The following LMNB1 variants were observed in gnomAD, a reference collection of about 807,000 sequenced individuals.
LMNB1 encodes the protein lamin B1.
In LMNB1, 23 loss-of-function variants were observed where a neutral mutation model predicts 67.1. The ratio of observed to expected loss-of-function variants is 0.34; its 90% CI spans 0.25 to 0.49. The LOEUF (loss-of-function observed/expected upper bound fraction) is 0.49. Ranked by LOEUF, LMNB1 falls within the 20% of genes least tolerant of loss-of-function variation. The pLI is 0.99. For missense variants in LMNB1, 634 were observed against 746.5 expected (o/e 0.85, Z 1.76); for synonymous variants, 281 against 282.9 (o/e 0.99, Z 0.07).
intron 1 of LMNB1, among the ~76,000 whole-genome samples, chr5:126,798,288 A>T (rs961907076): frequency 6.6e-6 from 1 of 152,082 alleles, no homozygotes; most frequent in Admixed American, 6.5e-5. Context: ...TCTCTACTAA[A>T]AATACAAAAA....
At chr5:126,778,685 C>T (rs1750547333) in intron 1 of LMNB1, among the ~76,000 whole-genome samples, 1 of 152,106 alleles carries the variant, frequency 6.6e-6, no homozygotes, top group Non-Finnish European at 1.5e-5. Context: ...AATTGCGGTT[C>T]TCCTACCCCT....
intron 8 of LMNB1, among the ~76,000 whole-genome samples, chr5:126,823,121 A>G (rs1303345531): frequency 2.6e-5 from 4 of 152,238 alleles, no homozygotes; most frequent in African/African-American, 4.8e-5. Context: ...TATAAAAGCT[A>G]TCTCTAGGCT....
intron 1 of LMNB1, among the ~76,000 whole-genome samples, chr5:126,779,582 A>G (rs902964883): frequency 6.6e-6 from 1 of 152,212 alleles, no homozygotes; most frequent in Admixed American, 6.5e-5. Flanking sequence ...TGGACCCATC[A>G]TGATGGGTTT....
intron 1 of LMNB1, among the ~76,000 whole-genome samples, chr5:126,790,508 C>A (rs982922682): frequency 8.5e-5 from 13 of 152,076 alleles, no homozygotes; most frequent in African/African-American, 2.7e-4. Context: ...CAGTAATATA[C>A]TGTGATTAGT....
intron 1 of LMNB1, among the ~76,000 whole-genome samples, chr5:126,797,822 T>C (rs1580534199): frequency 6.6e-6 from 1 of 152,122 alleles, no homozygotes; most frequent in East Asian, 1.9e-4. Flanking sequence ...ATGCTGGTAA[T>C]CGCAGCACTT....
intron 1 of LMNB1, among the ~76,000 whole-genome samples, chr5:126,779,568 C>T (rs1750569518): frequency 6.6e-6 from 1 of 152,206 alleles, no homozygotes; most frequent in Admixed American, 6.5e-5. Flanking sequence ...AGGATCCATC[C>T]TGTTGGACCC....
chr5:126,799,109 C>G (rs1561741588), intron 1 of LMNB1, among the ~76,000 whole-genome samples: 1 of 151,880 alleles, frequency 6.6e-6, no homozygotes, highest in African/African-American at 2.4e-5. Flanking sequence ...GCTCCGCCCC[C>G]TGGGGTTCAC....
intron 1 of LMNB1, among the ~76,000 whole-genome samples, chr5:126,793,353 G>A (rs1253328617): frequency 2.6e-5 from 4 of 151,080 alleles, no homozygotes; most frequent in African/African-American, 9.7e-5. Context: ...AAGTGGTTTT[G>A]TGGTCCAGTT....
chr5:126,834,307 G>A (rs1240196937), intron 10 of LMNB1, among the ~76,000 whole-genome samples: 2 of 152,052 alleles, frequency 1.3e-5, no homozygotes, highest in Non-Finnish European at 2.9e-5. Context: ...CCAGGTTCAA[G>A]AGATACCCCT....
intron 1 of LMNB1, among the ~76,000 whole-genome samples, chr5:126,790,459 T>C (rs1235022635): frequency 6.6e-6 from 1 of 152,104 alleles, no homozygotes; most frequent in African/African-American, 2.4e-5. Context: ...AAGCAACATA[T>C]GTTATAGCAG....
chr5:126,818,937 G>A lies in LMNB1; in HGVS notation c.955G>A (p.Glu319Lys). 1.9e-6 allele frequency: 3 copies of A among 1,613,386 alleles called. No individual in the cohort carries two copies. The highest frequency in any genetic ancestry group is 2.5e-6 in the Non-Finnish European group (3 of 1,179,332). Residue 319 changes from glutamate to lysine, a missense_variant, in exon 6 of 11, where the codon GAA becomes AAA. Transcript: ENST00000261366. ...NLQKESRACL[E>K]RIQELEDLLA... ...GCATCTTAAGTCTAGAGCATGTTTGGAAAGGATTCAAGAATTAGAGGACTT... is the reference window on the plus strand; with the variant it reads ...GCATCTTAAGTCTAGAGCATGTTTGAAAAGGATTCAAGAATTAGAGGACTT...
At position 126,777,586 on chromosome 5, in the gene LMNB1, C is replaced by T. The variant is rs1465037519; in HGVS notation, c.78C>T (p.Arg26=). 8 of 1,528,298 alleles carry T rather than the reference C, an allele frequency of 5.2e-6. No individual in the cohort carries two copies. The South Asian group carries it at 7.3e-5, about 14-fold the overall frequency. 94.7% of individuals were successfully genotyped at this position (1,528,298 alleles called of 1,614,324 possible). A position where few individuals can be genotyped will look rare whatever the true frequency, so the allele number is the denominator to read the frequency against. ...CCACCACGCCGCTGAGCCCCACGCGCCTGTCGCGGCTCCAGGAGAAGGAGG... is the reference window on the plus strand; with the variant it reads ...CCACCACGCCGCTGAGCCCCACGCGTCTGTCGCGGCTCCAGGAGAAGGAGG... ...GGPTTPLSPT[R]LSRLQEKEEL... The change falls in exon 1 of 11, where the codon CGC becomes CGT. Residue 26 remains arginine, a synonymous_variant. Coordinates refer to ENST00000261366, the MANE Select transcript of LMNB1 (RefSeq NM_005573.4).
intron 1 of LMNB1, among the ~76,000 whole-genome samples, chr5:126,800,982 A>ATAAAATTTTTTT: frequency 5.4e-5 from 1 of 18,632 alleles, no homozygotes; most frequent in Non-Finnish European, 1.0e-4. Flanking sequence ...TATATATATA[A>ATAAAATTTTTTT]TTTTTTTTTT....
intron 1 of LMNB1, among the ~76,000 whole-genome samples, chr5:126,790,456 A>C (rs1346183411): frequency 6.6e-6 from 1 of 152,112 alleles, no homozygotes; most frequent in Non-Finnish European, 1.5e-5. Flanking sequence ...CAGAAGCAAC[A>C]TATGTTATAG....
chr5:126,805,075 AG>A, intron 2 of LMNB1, 143 bp downstream of exon 2: 1 of 769,000 alleles, frequency 1.3e-6, no homozygotes, highest in Non-Finnish European at 2.0e-6. Context: ...GTTTACTTGA[AG>A]AAAAGTCTTG....
rs566330365 is a variant in LMNB1, at chr5:126,791,674, T to C, written c.360-13102T>C. Among the ~76,000 whole-genome samples, 196 of 152,138 alleles carry C rather than the reference T, an allele frequency of 1.3e-3. 1 individual carries two copies. The highest frequency in any genetic ancestry group is 4.4e-3 in the African/African-American group (183 of 41,420). On this transcript the variant is annotated intron_variant, in intron 1 of 10. Transcript: ENST00000261366. ...TTTTCATAGAGACAGGGTCTTACTA[T>C]GTTGCTGGTCTCAAACTCCTGAGCT...
At chr5:126,814,486 A>C (rs1751660368) in intron 5 of LMNB1, among the ~76,000 whole-genome samples, 1 of 151,274 alleles carries the variant, frequency 6.6e-6, no homozygotes, top group African/African-American at 2.4e-5. Flanking sequence ...TATGTGTTCT[A>C]ACCTAGGTTC....
chr5:126,827,648 A>G (rs1213977718), intron 9 of LMNB1, among the ~76,000 whole-genome samples: 1 of 152,238 alleles, frequency 6.6e-6, no homozygotes, highest in Non-Finnish European at 1.5e-5. Flanking sequence ...CTGTGTCTCA[A>G]ATAAATAAAT....
At chr5:126,828,257 G>A (rs112655845) in intron 9 of LMNB1, among the ~76,000 whole-genome samples, 1 of 152,200 alleles carries the variant, frequency 6.6e-6, no homozygotes, top group African/African-American at 2.4e-5. Context: ...GGGGTACAAG[G>A]CAGATTAAAT....
Sources: allele counts gnomAD v4.1 joint callset (sites outside exome capture counted in the v4.1 genomes callset), GRCh38; gene constraint gnomAD v4.1.1; transcripts MANE v1.5; gene names NCBI Gene and HGNC (gene_info 2026-07-23, HGNC 2026-07-21).